The following BRINP1 variants were observed in gnomAD, a reference collection of about 807,000 sequenced individuals.
BRINP1 encodes the protein BMP/retinoic acid-inducible neural-specific protein 1.
A neutral mutation model predicts 72.9 loss-of-function variants in BRINP1; 17 were observed. That is an observed-to-expected ratio of 0.23 (90% confidence interval 0.16 to 0.35). The LOEUF is 0.35. Among genes scored for constraint, BRINP1 ranks in the 10% least tolerant of loss-of-function variants. The pLI, the probability that BRINP1 is intolerant of heterozygous loss-of-function variation, is 1.00. For synonymous variants in BRINP1, 418 were observed against 378.5 expected (o/e 1.10, Z -1.21); for missense variants, 850 against 1,001.6 (o/e 0.85, Z 2.04).
At chr9:119,228,075 C>T (rs1036287151) in intron 5 of BRINP1, among the ~76,000 whole-genome samples, 6 of 151,866 alleles carry the variant, frequency 4.0e-5, no homozygotes, top group Non-Finnish European at 7.4e-5. Flanking sequence ...ATGGGATTAC[C>T]GACACTACTC....
At chr9:119,327,168 G>A (rs1831249361) in intron 1 of BRINP1, among the ~76,000 whole-genome samples, 2 of 152,122 alleles carry the variant, frequency 1.3e-5, no homozygotes, top group African/African-American at 4.8e-5. Context: ...TTTTAGTGCT[G>A]GGGTACATGT....
At chr9:119,245,848 A>C (rs1830311202) in intron 3 of BRINP1, among the ~76,000 whole-genome samples, 1 of 152,176 alleles carries the variant, frequency 6.6e-6, no homozygotes, top group South Asian at 2.1e-4. Flanking sequence ...ACAGTGAATA[A>C]AATTATTTGC....
chr9:119,349,178 C>A (rs16908297), intron 1 of BRINP1, among the ~76,000 whole-genome samples: 19,165 of 151,948 alleles, frequency 0.13, 1,380 homozygotes, highest in African/African-American at 0.19. Context: ...AGGGGACAGG[C>A]AAAAATTAAG....
chr9:119,347,125 G>T (rs1831460029), intron 1 of BRINP1, among the ~76,000 whole-genome samples: 1 of 152,138 alleles, frequency 6.6e-6, no homozygotes, highest in Admixed American at 6.6e-5. Flanking sequence ...CTGCAATCCT[G>T]CCAGCAGAGT....
At chr9:119,318,306 G>A (rs1254409499) in intron 1 of BRINP1, among the ~76,000 whole-genome samples, 1 of 152,044 alleles carries the variant, frequency 6.6e-6, no homozygotes, top group Non-Finnish European at 1.5e-5. Context: ...TTTTCCAGCT[G>A]AATATGAAAG....
intron 4 of BRINP1, among the ~76,000 whole-genome samples, chr9:119,241,750 A>G (rs61700960): frequency 0.077 from 11,748 of 152,210 alleles, 1,193 homozygotes; most frequent in African/African-American, 0.23. Context: ...TCTTCTCTAG[A>G]AAGGGGATCT....
chr9:119,315,311 A>C (rs1831114223), intron 1 of BRINP1, among the ~76,000 whole-genome samples: 1 of 152,042 alleles, frequency 6.6e-6, no homozygotes, highest in Non-Finnish European at 1.5e-5. Context: ...CATTTTGATA[A>C]TTATCAAAAT....
intron 1 of BRINP1, among the ~76,000 whole-genome samples, chr9:119,318,756 C>T (rs779097079): frequency 6.6e-6 from 1 of 151,884 alleles, no homozygotes. Context: ...GAATACTTAG[C>T]TGTTAGACTG....
Position 119,180,802 on chromosome 9 carries a change from C to A in BRINP1, c.1146-12578G>T, listed in dbSNP as rs1050344067. Reference sequence around the variant, plus strand: ...AGCTCATAATAATAAGGAAGAAATACCAAAAGAAAATGTTACGGTCCCTTG... The same window carrying A: ...AGCTCATAATAATAAGGAAGAAATAACAAAAGAAAATGTTACGGTCCCTTG... On this transcript the variant is annotated intron_variant, in intron 7 of 7. Coordinates refer to ENST00000265922, the MANE Select transcript of BRINP1 (RefSeq NM_014618.3). 2.0e-5 allele frequency among the ~76,000 whole-genome samples: 3 copies of A among 152,016 alleles called. No homozygotes were observed. In the South Asian group the frequency reaches 6.2e-4, roughly 32 times the overall value.
intron 7 of BRINP1, among the ~76,000 whole-genome samples, chr9:119,207,984 G>GA (rs906753957): frequency 2.6e-5 from 4 of 152,138 alleles, no homozygotes; most frequent in African/African-American, 9.7e-5. Flanking sequence ...AAATGCCCCG[G>GA]AAGAATAGAG....
At chr9:119,252,187 C>A (rs529415894) in intron 2 of BRINP1, among the ~76,000 whole-genome samples, 2 of 152,208 alleles carry the variant, frequency 1.3e-5, no homozygotes, top group African/African-American at 4.8e-5. Flanking sequence ...CAACAGCTTC[C>A]GAGGAAATGA....
At chr9:119,319,821 T>C (rs951570629) in intron 1 of BRINP1, among the ~76,000 whole-genome samples, 1 of 152,172 alleles carries the variant, frequency 6.6e-6, no homozygotes, top group Non-Finnish European at 1.5e-5. Context: ...CCTGTGAATA[T>C]CCCATTACAC....
At chr9:119,336,142 C>T (rs1210921443) in intron 1 of BRINP1, among the ~76,000 whole-genome samples, 2 of 152,250 alleles carry the variant, frequency 1.3e-5, no homozygotes, top group Middle Eastern at 3.4e-3. Flanking sequence ...GGTGATGTTT[C>T]CTTCAAGTGC....
chr9:119,343,894 G>A (rs1831427488), intron 1 of BRINP1, among the ~76,000 whole-genome samples: 1 of 152,162 alleles, frequency 6.6e-6, no homozygotes, highest in African/African-American at 2.4e-5. Flanking sequence ...GGCCTGAAAT[G>A]CTCTTCCCCA....
intron 2 of BRINP1, among the ~76,000 whole-genome samples, chr9:119,299,835 C>T (rs560204112): frequency 3.9e-5 from 6 of 151,996 alleles, no homozygotes; most frequent in Admixed American, 2.6e-4. Flanking sequence ...TTGGCTATTG[C>T]GAAAAATATT....
intron 7 of BRINP1, among the ~76,000 whole-genome samples, chr9:119,197,540 A>G (rs552772629): frequency 6.6e-6 from 1 of 152,290 alleles, no homozygotes; most frequent in Non-Finnish European, 1.5e-5. Context: ...TTGTTCCACT[A>G]AGAGTTGCAA....
At chr9:119,232,055 G>A (rs1227544869) in intron 5 of BRINP1, among the ~76,000 whole-genome samples, 2 of 152,044 alleles carry the variant, frequency 1.3e-5, no homozygotes, top group South Asian at 2.1e-4. Context: ...AGGTTTGAAC[G>A]CATTTTCACA....
intron 2 of BRINP1, among the ~76,000 whole-genome samples, chr9:119,289,013 TGATCTC>T (rs1186734984): frequency 6.6e-6 from 1 of 152,226 alleles, no homozygotes; most frequent in Non-Finnish European, 1.5e-5. Context: ...TTGGTCAGGC[TGATCTC>T]GAACTCCTGA....
intron 1 of BRINP1, among the ~76,000 whole-genome samples, chr9:119,314,598 T>A (rs185112982): frequency 6.6e-6 from 1 of 152,312 alleles, no homozygotes; most frequent in East Asian, 1.9e-4. Context: ...ACTCCTGACC[T>A]CATGATCCGC....
Sources: gnomAD v4.1 joint callset for allele counts (sites outside exome capture counted in the v4.1 genomes callset) on GRCh38, gnomAD v4.1.1 for gene constraint, MANE v1.5 for transcripts, NCBI Gene and HGNC (gene_info 2026-07-23, HGNC 2026-07-21) for gene names.